Variants in RBFOX1 observed in about 807,000 individuals in gnomAD.
The protein encoded by RBFOX1 is RNA binding protein fox-1 homolog 1.
RBFOX1 carries 8 observed loss-of-function variants against 57.7 expected under a neutral mutation model. That is an observed-to-expected ratio of 0.14 (90% confidence interval 0.08 to 0.25). The LOEUF is 0.25. RBFOX1 is among the 10% of genes least tolerant of loss of function. The pLI is 1.00. For synonymous variants in RBFOX1, 326 were observed against 222.4 expected (o/e 1.47, Z -4.15); for missense variants, 611 against 548.5 (o/e 1.11, Z -1.14).
intron 2 of RBFOX1, among the ~76,000 whole-genome samples, chr16:5,596,478 A>G (rs1481078801): frequency 6.6e-6 from 1 of 152,186 alleles, no homozygotes; most frequent in Admixed American, 6.5e-5. Flanking sequence ...AGAAAGACAG[A>G]TTGATTCATG....
chr16:7,106,420 C>G lies in RBFOX1; in HGVS notation c.27+54322C>G, dbSNP rs374184345. 6.6e-5 allele frequency among the ~76,000 whole-genome samples: 10 copies of G among 152,094 alleles called. No individual in the cohort carries two copies. The East Asian group carries it at 1.4e-3, about 21-fold the overall frequency. On this transcript the variant is annotated intron_variant, in intron 4 of 15. Transcript: ENST00000550418. Reference sequence around the variant, plus strand: ...GCTCTTTATTCTTCATTTTGTATTTCTTGTGTTAAACAGAGAAAGAAAAAA... The same window carrying G: ...GCTCTTTATTCTTCATTTTGTATTTGTTGTGTTAAACAGAGAAAGAAAAAA...
chr16:6,870,086 C>G (rs771439886), intron 3 of RBFOX1, among the ~76,000 whole-genome samples: 1 of 152,054 alleles, frequency 6.6e-6, no homozygotes, highest in Non-Finnish European at 1.5e-5. Flanking sequence ...ACTAATCCTT[C>G]TTTTTGGATG....
intron 3 of RBFOX1, among the ~76,000 whole-genome samples, chr16:6,998,812 A>C (rs1323403160): frequency 6.6e-6 from 1 of 152,056 alleles, no homozygotes; most frequent in African/African-American, 2.4e-5. Context: ...TGAGTACTTT[A>C]AAATATACCC....
At chr16:6,257,019 G>A (rs905525295) in intron 1 of RBFOX1, among the ~76,000 whole-genome samples, 1 of 152,104 alleles carries the variant, frequency 6.6e-6, no homozygotes, top group Non-Finnish European at 1.5e-5. Context: ...TGAGAAAGAA[G>A]AATGACTGGT....
At chr16:7,356,886 A>T (rs963422944) in intron 4 of RBFOX1, among the ~76,000 whole-genome samples, 3 of 152,160 alleles carry the variant, frequency 2.0e-5, no homozygotes, top group African/African-American at 7.2e-5. Context: ...CTTATAACCA[A>T]AGCATGGCAA....
chr16:6,397,180 C>G (rs1596567252), intron 2 of RBFOX1, among the ~76,000 whole-genome samples: 1 of 152,008 alleles, frequency 6.6e-6, no homozygotes, highest in South Asian at 2.1e-4. Flanking sequence ...TCAAGAAGCT[C>G]AAGAAACTTC....
In RBFOX1 at chr16:5,335,561, G is replaced by A. The variant is rs114834183; in HGVS notation, c.219+95456G>A. 7.2e-3 allele frequency among the ~76,000 whole-genome samples: 1,096 copies of A among 152,098 alleles called. 16 individuals are homozygous for A. Among genetic ancestry groups the A allele is most frequent in the African/African-American group, 0.022 (917 of 41,486 alleles). ...TTTTTCCCGTCACTGGGGGATTAGG[G>A]GACTTTGATAGGCTTTGCTATGTCC... On this transcript the variant is annotated intron_variant, in intron 1 of 2. Coordinates refer to the RBFOX1 transcript ENST00000585867.
chr16:6,121,904 A>T (rs1247518408), intron 1 of RBFOX1, among the ~76,000 whole-genome samples: 1 of 152,012 alleles, frequency 6.6e-6, no homozygotes, highest in African/African-American at 2.4e-5. Context: ...TCTTTTTGTT[A>T]TTTTATTTTA....
intron 4 of RBFOX1, among the ~76,000 whole-genome samples, chr16:7,283,873 T>TA (rs941523749): frequency 1.3e-5 from 2 of 152,192 alleles, no homozygotes; most frequent in Admixed American, 1.3e-4. Context: ...AGTGATGTAA[T>TA]AACCACCAGC....
rs149076798 is a variant in RBFOX1, at chr16:5,296,722, A to C, written c.219+56617A>C. Among the ~76,000 whole-genome samples, 164 of 149,122 alleles carry C rather than the reference A, an allele frequency of 1.1e-3. 4 individuals carry two copies. In the East Asian group the frequency reaches 0.031, roughly 28 times the overall value. ...GAGATGGAGTGTCGCTCCGTCATCC[A>C]GGCTGGAGTGCAGTGGCGCGATCCT... On this transcript the variant is annotated intron_variant, in intron 1 of 2. Coordinates refer to the RBFOX1 transcript ENST00000585867.
chr16:5,716,011 T>C (rs571301892), intron 3 of RBFOX1, among the ~76,000 whole-genome samples: 1 of 152,160 alleles, frequency 6.6e-6, no homozygotes, highest in Non-Finnish European at 1.5e-5. Context: ...AAAAAACTCA[T>C]GAAGTGGGCA....
chr16:7,405,163 T>G (rs2148913583), intron 4 of RBFOX1, among the ~76,000 whole-genome samples: 1 of 152,344 alleles, frequency 6.6e-6, no homozygotes, highest in African/African-American at 2.4e-5. Flanking sequence ...TGCAATTTAT[T>G]TCCTCATTCT....
chr16:7,540,026 T>A (rs1449771967), intron 5 of RBFOX1, among the ~76,000 whole-genome samples: 4 of 152,184 alleles, frequency 2.6e-5, no homozygotes, highest in African/African-American at 9.6e-5. Context: ...AGGTGCCCTA[T>A]AAATTGTAGC....
At chr16:7,337,246 T>A (rs963417724) in intron 4 of RBFOX1, among the ~76,000 whole-genome samples, 3 of 152,108 alleles carry the variant, frequency 2.0e-5, no homozygotes, top group Non-Finnish European at 4.4e-5. Context: ...ACCCTCTAGG[T>A]TGAGGTATTC....
chr16:6,079,793 G>A (rs2095971887), intron 1 of RBFOX1, among the ~76,000 whole-genome samples: 1 of 152,106 alleles, frequency 6.6e-6, no homozygotes, highest in Non-Finnish European at 1.5e-5. Flanking sequence ...CTGTGATTGT[G>A]TTACTGCACT....
chr16:6,786,368 C>A (rs899273528), intron 3 of RBFOX1, among the ~76,000 whole-genome samples: 1 of 152,082 alleles, frequency 6.6e-6, no homozygotes, highest in African/African-American at 2.4e-5. Flanking sequence ...CCCTGTTGTC[C>A]CAGACAGCAT....
At chr16:6,548,521 AAAG>A (rs1439725052) in intron 2 of RBFOX1, among the ~76,000 whole-genome samples, 1 of 152,232 alleles carries the variant, frequency 6.6e-6, no homozygotes, top group Non-Finnish European at 1.5e-5. Flanking sequence ...CCAAGTGAAA[AAAG>A]AAATTTTTTT....
chr16:7,380,177 C>T (rs1290947046), intron 4 of RBFOX1, among the ~76,000 whole-genome samples: 1 of 152,068 alleles, frequency 6.6e-6, no homozygotes, highest in African/African-American at 2.4e-5. Context: ...TTGCTGTATA[C>T]CTTTTGGTAT....
chr16:5,878,753 A>G (rs970516814), intron 4 of RBFOX1, among the ~76,000 whole-genome samples: 2 of 152,170 alleles, frequency 1.3e-5, no homozygotes, highest in Non-Finnish European at 2.9e-5. Flanking sequence ...ATAAATGATG[A>G]TAGCTGTGAA....
Sources: gnomAD v4.1 joint callset for allele counts (sites outside exome capture counted in the v4.1 genomes callset) on GRCh38, gnomAD v4.1.1 for gene constraint, MANE v1.5 for transcripts, NCBI Gene and HGNC (gene_info 2026-07-23, HGNC 2026-07-21) for gene names.